Variants in SYN2 observed in about 807,000 individuals in gnomAD.
SYN2 encodes synapsin-2.
SYN2 carries 19 observed loss-of-function variants against 50.9 expected under a neutral mutation model. The ratio of observed to expected loss-of-function variants is 0.37; its 90% confidence interval spans 0.26 to 0.55. The LOEUF (loss-of-function observed/expected upper bound fraction) is 0.55. Among genes scored for constraint, SYN2 ranks in the 20% least tolerant of loss-of-function variants. The pLI, the probability that SYN2 is intolerant of heterozygous loss-of-function variation, is 0.81. For missense variants in SYN2, 587 were observed against 576.4 expected, an observed-to-expected ratio of 1.02 and a Z score of -0.19; for synonymous variants, 255 against 224.9, an observed-to-expected ratio of 1.13 and a Z score of -1.20.
chr3:12,182,125 TC>T (rs1184072127), intron 10 of SYN2, among the ~76,000 whole-genome samples: 4 of 152,126 alleles, frequency 2.6e-5, no homozygotes, highest in African/African-American at 9.7e-5. Context: ...AGGTAACACT[TC>T]CTGGCAGTGG....
At chr3:12,128,686 G>A (rs550638234) in intron 1 of SYN2, among the ~76,000 whole-genome samples, 1 of 152,228 alleles carries the variant, frequency 6.6e-6, no homozygotes, top group South Asian at 2.1e-4. Context: ...GAAAAAACAT[G>A]TATTTGTCTA....
rs571760446 is a variant in SYN2, at chr3:12,136,709, T to C, written c.378-3942T>C. On this transcript the variant is annotated intron_variant, in intron 1 of 12. Transcript: ENST00000621198. ...AAGAGTTAAATCTAGAAGCTTCTGC[T>C]CATTTTAGCAATAAGGGGAGATGGT... 5.0e-4 allele frequency among the ~76,000 whole-genome samples: 76 copies of C among 152,266 alleles called. 1 individual carries two copies. The highest frequency in any genetic ancestry group is 1.6e-3 in the African/African-American group (68 of 41,548).
At chr3:12,044,087 G>T (rs1273515379) in intron 1 of SYN2, among the ~76,000 whole-genome samples, 2 of 150,912 alleles carry the variant, frequency 1.3e-5, no homozygotes, top group Non-Finnish European at 2.9e-5. Flanking sequence ...TTAATTAATT[G>T]TTGAATTTCT....
chr3:12,038,430 A>T (rs776626971), intron 1 of SYN2, among the ~76,000 whole-genome samples: 2 of 152,004 alleles, frequency 1.3e-5, no homozygotes, highest in Non-Finnish European at 2.9e-5. Flanking sequence ...TGCCATATGG[A>T]TTTTAGGATC....
chr3:12,166,645 A>G (rs1697805435), intron 7 of SYN2, among the ~76,000 whole-genome samples: 1 of 152,242 alleles, frequency 6.6e-6, no homozygotes, highest in Non-Finnish European at 1.5e-5. Flanking sequence ...ACTTCCCCAG[A>G]GTCACATTGC....
intron 1 of SYN2, among the ~76,000 whole-genome samples, chr3:12,012,786 T>C (rs1693942991): frequency 6.6e-6 from 1 of 152,222 alleles, no homozygotes; most frequent in Admixed American, 6.5e-5. Flanking sequence ...TAAGATTTCA[T>C]CTCTCTTTTT....
chr3:12,086,495 A>G (rs1403778789), intron 1 of SYN2, among the ~76,000 whole-genome samples: 7 of 152,160 alleles, frequency 4.6e-5, no homozygotes, highest in Admixed American at 1.3e-4. Context: ...AAACTCAACA[A>G]CATATTTAAA....
At chr3:12,120,939 C>G (rs1696543664) in intron 1 of SYN2, among the ~76,000 whole-genome samples, 1 of 152,166 alleles carries the variant, frequency 6.6e-6, no homozygotes, top group Non-Finnish European at 1.5e-5. Context: ...TCTGAATTTC[C>G]AACCTTGCGC....
At chr3:12,168,290 G>C in intron 8 of SYN2, 86 bp from the exon 9 acceptor site, 1 of 1,018,734 alleles carries the variant, frequency 9.8e-7, no homozygotes, top group South Asian at 1.4e-5. Flanking sequence ...GGGAGAGATG[G>C]AGGCAGCAAG....
At chr3:12,006,347 T>TA (rs1693800692) in intron 1 of SYN2, among the ~76,000 whole-genome samples, 1 of 151,968 alleles carries the variant, frequency 6.6e-6, no homozygotes, top group Non-Finnish European at 1.5e-5. Flanking sequence ...TGGAAGAGGG[T>TA]AATGGGGAAA....
intron 3 of SYN2, 68 bp downstream of exon 3, chr3:12,142,064 G>T: frequency 1.3e-6 from 1 of 769,706 alleles, no homozygotes; most frequent in East Asian, 2.4e-5. Flanking sequence ...GCCCAAAGAG[G>T]TGGTTTCTAA....
At chr3:12,006,464 TA>T (rs1208576871) in intron 1 of SYN2, among the ~76,000 whole-genome samples, 1 of 152,196 alleles carries the variant, frequency 6.6e-6, no homozygotes, top group African/African-American at 2.4e-5. Flanking sequence ...ACCAAGCTAG[TA>T]AAGGTGCTCA....
At chr3:12,096,906 A>G (rs1388271274) in intron 1 of SYN2, among the ~76,000 whole-genome samples, 2 of 152,206 alleles carry the variant, frequency 1.3e-5, no homozygotes, top group Non-Finnish European at 2.9e-5. Flanking sequence ...GTAGAGCACC[A>G]TCAAGTATAC....
chr3:12,142,049 CTCTGGCCCAA>C, intron 3 of SYN2, 53 bp downstream of exon 3: 1 of 776,174 alleles, frequency 1.3e-6, no homozygotes, highest in Non-Finnish European at 2.4e-6. Context: ...GAGTTACTAC[CTCTGGCCCAA>C]AGAGGTGGTT....
intron 1 of SYN2, among the ~76,000 whole-genome samples, chr3:12,125,942 A>G (rs190731341): frequency 2.0e-5 from 3 of 152,148 alleles, no homozygotes; most frequent in Admixed American, 6.5e-5. Context: ...GCATTGGGGT[A>G]TGAGGTAGGA....
In SYN2 at chr3:12,185,610, T is replaced by G. The variant is rs58616622; in HGVS notation, c.1370-1759T>G. Reference sequence around the variant, plus strand: ...CTATTTCTTTCCTGACGTTGTCCCCTTTTTTTGTACTGATCCAACTGGGAG... The same window carrying G: ...CTATTTCTTTCCTGACGTTGTCCCCGTTTTTTGTACTGATCCAACTGGGAG... On this transcript the variant is annotated intron_variant, in intron 11 of 12. Transcript: ENST00000621198. The G allele has an allele frequency of 1.2e-3, 1,203 of 985,894 alleles. 15 individuals carry two copies. The African/African-American group carries it at 0.019, about 16-fold the overall frequency. 61.1% of individuals were successfully genotyped at this position (985,894 alleles called of 1,614,324 possible).
rs576588222 is a variant in SYN2, at chr3:12,185,409, G to T, written c.1370-1960G>T. On this transcript the variant is annotated intron_variant, in intron 11 of 12. Coordinates refer to ENST00000621198, the MANE Select transcript of SYN2 (RefSeq NM_133625.6). ...TTGAATTCAGTCAGGCTACAGGGTG[G>T]TGTCAGTCAAGGTCTTTCAGGTGGG... 34 of 985,802 alleles carry T rather than the reference G, an allele frequency of 3.4e-5. No individual in the cohort carries two copies. The African/African-American group carries it at 4.9e-4, about 14-fold the overall frequency. The allele number at this position is 985,802 out of a possible 1,614,324, so 61.1% of individuals were successfully genotyped here.
chr3:12,108,839 A>T (rs1574945256), intron 1 of SYN2, among the ~76,000 whole-genome samples: 1 of 132,738 alleles, frequency 7.5e-6, no homozygotes. Flanking sequence ...TCAGTTTAGG[A>T]GCCAGTTTTT....
At chr3:12,108,320 GC>G (rs1369450288) in intron 1 of SYN2, among the ~76,000 whole-genome samples, 1 of 152,232 alleles carries the variant, frequency 6.6e-6, no homozygotes, top group Non-Finnish European at 1.5e-5. Flanking sequence ...TTGAAGAGTT[GC>G]CCAGTATAGT....
Sources: gnomAD v4.1 joint callset for allele counts (sites outside exome capture counted in the v4.1 genomes callset) on GRCh38, gnomAD v4.1.1 for gene constraint, MANE v1.5 for transcripts, NCBI Gene and HGNC (gene_info 2026-07-23, HGNC 2026-07-21) for gene names.